The following CACNG6 variants were observed in gnomAD, a reference collection of about 807,000 sequenced individuals.
The protein encoded by CACNG6 is calcium voltage-gated channel auxiliary subunit gamma 6, also known as voltage-dependent calcium channel gamma-6 subunit.
In CACNG6, 21 loss-of-function variants were observed where a neutral mutation model predicts 23.9. The observed-to-expected ratio is 0.88, with a 90% CI of 0.62 to 1.26. The LOEUF (loss-of-function observed/expected upper bound fraction) is 1.26, where lower values mean the gene tolerates loss of function less well. CACNG6 is among the 50% of genes most tolerant of loss of function. CACNG6 has a pLI of 0.00. For synonymous variants in CACNG6, 182 were observed against 168.9 expected (o/e 1.08, Z -0.60); for missense variants, 340 against 352.9 (o/e 0.96, Z 0.29).
chr19:54,002,336 T>TC lies in CACNG6; in HGVS notation c.544+2567dup, dbSNP rs201985421. Among the ~76,000 whole-genome samples, 505 of 145,224 alleles carry TC rather than the reference T, an allele frequency of 3.5e-3. 15 individuals are homozygous for TC. The highest frequency in any genetic ancestry group is 0.034 in the Admixed American group (470 of 14,020). On this transcript the variant is annotated intron_variant, in intron 3 of 3. Transcript: ENST00000252729. ...TTTCGCTGTGTTGCCCAGGCTGGTC[T>TC]CCAACTCCTGAGCTCAAGTGATCCG...
chr19:53,996,994 G>A (rs1011107104), intron 1 of CACNG6, among the ~76,000 whole-genome samples: 3 of 148,572 alleles, frequency 2.0e-5, no homozygotes, highest in African/African-American at 5.0e-5. Flanking sequence ...TCAGCCTCCC[G>A]AGTAGCTGGG....
At chr19:54,001,569 G>A (rs186392796) in intron 3 of CACNG6, among the ~76,000 whole-genome samples, 3 of 152,210 alleles carry the variant, frequency 2.0e-5, no homozygotes, top group African/African-American at 4.8e-5. Flanking sequence ...TAATAATAAC[G>A]CCAGCACCAA....
At chr19:54,004,336 TGTGTGTGTGTGTGTGTGTGTGTG>T (rs1365556742) in intron 3 of CACNG6, among the ~76,000 whole-genome samples, 8 of 29,738 alleles carry the variant, frequency 2.7e-4, no homozygotes, top group Admixed American at 6.6e-4. Flanking sequence ...TTTGTATTTT[TGTGTGTGTGTGTGTGTGTGTGTG>T]TGTGTGTGTG....
In CACNG6 at chr19:53,999,667, T is replaced by C; in HGVS notation, c.440T>C (p.Leu147Pro). 1 of 1,614,072 alleles carries C rather than the reference T, an allele frequency of 6.2e-7. No individual in the cohort carries two copies. Among genetic ancestry groups the C allele is most frequent in the African/African-American group, 1.3e-5 (1 of 75,064 alleles). The part of the protein sequence containing the change: ...VNLAAAVIAV[L>P]GLAVMALGCL... ...CTGGCAGCTGCGGTGATAGCAGTGC[T>C]GGGCCTGGCAGTCATGGCCTTGGGG... Residue 147 changes from leucine (L) to proline (P), a missense_variant, in exon 3 of 4, where the codon CTG (leucine) becomes CCG (proline). Transcript: ENST00000252729.
chr19:54,005,509 A>T (rs1399489208), intron 3 of CACNG6, among the ~76,000 whole-genome samples: 3 of 151,496 alleles, frequency 2.0e-5, no homozygotes, highest in Non-Finnish European at 4.4e-5. Flanking sequence ...TAATCCCAGC[A>T]CTTTGGGAGG....
intron 3 of CACNG6, among the ~76,000 whole-genome samples, chr19:54,011,225 T>TACACACAC (rs1325176394): frequency 2.5e-4 from 28 of 110,336 alleles, no homozygotes; most frequent in African/African-American, 9.2e-4. Flanking sequence ...TATATATATA[T>TACACACAC]ATACACACAC....
rs1056131470 is a variant in CACNG6 at position 53,992,022 on chromosome 19, T to C, written c.-856T>C. Among the ~76,000 whole-genome samples, 3 of 152,116 alleles carry C rather than the reference T, an allele frequency of 2.0e-5. No homozygotes were observed. The highest frequency in any genetic ancestry group is 4.4e-5 in the Non-Finnish European group (3 of 68,004). On this transcript the variant is annotated 5_prime_UTR_variant, in exon 1 of 4. Transcript: ENST00000252729. The surrounding 1 kb of genome is among the most constrained non-coding windows in gnomAD (Gnocchi z 4.1). ...GCCCCGTAGCCTCCCGCCTCTGGAC[T>C]CCACTCTGTCTTCCGGCCACCGGCC...
chr19:53,998,171 G>A (rs1034250877), intron 1 of CACNG6, 68 bp from the exon 2 acceptor site: 2 of 1,386,306 alleles, frequency 1.4e-6, no homozygotes. Context: ...GCTGTTAACT[G>A]TCCAGCCCTG....
chr19:53,999,652 C>A lies in CACNG6; in HGVS notation c.425C>A (p.Ala142Glu), dbSNP rs149636959. 3.1e-6 allele frequency: 5 copies of A among 1,613,720 alleles called. No individual in the cohort carries two copies. In the South Asian group the frequency reaches 5.5e-5, roughly 18 times the overall value. The change falls in exon 3 of 4, where the codon GCG becomes GAG. Residue 142 changes from alanine to glutamate, a missense_variant. By Grantham distance (107) the Ala-to-Glu change is moderately radical. Transcript: ENST00000252729. ...CTGGCAGAGGTGAATCTGGCAGCTG[C>A]GGTGATAGCAGTGCTGGGCCTGGCA... ...TTKKEVNLAA[A>E]VIAVLGLAVM...
rs2069465919 is a variant in CACNG6 at position 53,991,999 on chromosome 19, C to T, written c.-879C>T. 6.6e-6 allele frequency among the ~76,000 whole-genome samples: 1 copy of T among 152,198 alleles called. No individual in the cohort carries two copies. The highest frequency in any genetic ancestry group is 2.1e-4 in the South Asian group (1 of 4,824). ...CATCTGCCCCAGCCCTCGGGGAGGC[C>T]CCGTAGCCTCCCGCCTCTGGACTCC... On this transcript the variant is annotated 5_prime_UTR_variant, in exon 1 of 4. Coordinates refer to ENST00000252729, the MANE Select transcript of CACNG6 (RefSeq NM_145814.2).
rs191044577 is a variant in CACNG6 at position 54,008,674 on chromosome 19, C to T, written c.545-3277C>T. Among the ~76,000 whole-genome samples, 117 of 152,356 alleles carry T rather than the reference C, an allele frequency of 7.7e-4. 2 individuals carry two copies. In the East Asian group the frequency reaches 0.014, roughly 18 times the overall value. ...CCTCGCGTCAGCACCTCCTTCTGCT[C>T]GGAACAGCCGTTGCTTCGTTTTGAG... is the stretch of plus-strand genomic sequence containing the variant. On this transcript the variant is annotated intron_variant, in intron 3 of 3. Transcript: ENST00000252729.
Position 54,012,076 on chromosome 19 carries a change from G to A in CACNG6, c.670G>A (p.Gly224Ser), listed in dbSNP as rs775091115. 5.0e-6 allele frequency: 8 copies of A among 1,592,278 alleles called. No homozygotes were observed. In the African/African-American group the frequency reaches 6.8e-5, roughly 14 times the overall value. Residue 224 changes from glycine to serine, a missense_variant, in exon 4 of 4, where the codon GGC becomes AGC. Physicochemically the swap from Gly to Ser is moderately conservative, Grantham distance 56 (BLOSUM62 0). Coordinates refer to ENST00000252729, the MANE Select transcript of CACNG6 (RefSeq NM_145814.2). ...TYEYSWSLGC[G>S]VGAGLILLLG... ...CGAGTACTCCTGGTCCCTGGGCTGCGGCGTGGGGGCCGGCCTGATCCTGCT... is the reference window on the plus strand; with the variant it reads ...CGAGTACTCCTGGTCCCTGGGCTGCAGCGTGGGGGCCGGCCTGATCCTGCT...
rs1444379890 is a variant in CACNG6 at position 54,010,082 on chromosome 19, G to A, written c.545-1869G>A. On this transcript the variant is annotated intron_variant, in intron 3 of 3. Coordinates refer to ENST00000252729, the MANE Select transcript of CACNG6 (RefSeq NM_145814.2). ...GTTGCCCAGGCTGGAGTGCAATGGC[G>A]TGATCTTGGCTCACCACAACCTCCG... 1.4e-3 allele frequency among the ~76,000 whole-genome samples: 186 copies of A among 135,834 alleles called. 2 individuals are homozygous for A. The highest frequency in any genetic ancestry group is 8.9e-3 in the Middle Eastern group (2 of 224). The allele number at this position is 135,834 out of a possible 152,430, so 89.1% of individuals were successfully genotyped here.
intron 3 of CACNG6, among the ~76,000 whole-genome samples, chr19:54,001,821 A>G (rs1568814758): frequency 6.6e-6 from 1 of 152,150 alleles, no homozygotes; most frequent in African/African-American, 2.4e-5. Flanking sequence ...TGTGACATTA[A>G]TGTCACTGGT....
In CACNG6 at chr19:53,997,072, G is replaced by A. The variant is rs148968179; in HGVS notation, c.332-1167G>A. On this transcript the variant is annotated intron_variant, in intron 1 of 3. Transcript: ENST00000252729. ...TTTGGTACAGACGGGGTTTCACCAC[G>A]TTGGCCAGGCTGGTCTCAAACTCCT... Among the ~76,000 whole-genome samples, 414 of 151,528 alleles carry A rather than the reference G, an allele frequency of 2.7e-3. 6 individuals carry two copies. The East Asian group carries it at 0.058, about 21-fold the overall frequency.
rs769787760 is a variant in CACNG6, at chr19:53,993,072, C to A, written c.195C>A (p.Leu65=). 1.3e-6 allele frequency: 2 copies of A among 1,538,080 alleles called. No individual in the cohort carries two copies. Among genetic ancestry groups the A allele is most frequent in the East Asian group, 5.0e-5 (2 of 39,996 alleles). The change falls in exon 1 of 4, where the codon CTC becomes CTA. Residue 65 remains leucine (L), a synonymous_variant. Coordinates refer to ENST00000252729, the MANE Select transcript of CACNG6 (RefSeq NM_145814.2). The part of the protein sequence containing the change: ...LSVGTEFWVE[L]NTYKANGSAV... Reference sequence around the variant, plus strand: ...TGGGCACCGAGTTCTGGGTGGAGCTCAACACCTACAAGGCCAACGGCAGCG... The same window carrying A: ...TGGGCACCGAGTTCTGGGTGGAGCTAAACACCTACAAGGCCAACGGCAGCG...
chr19:53,993,511 G>A (rs561292430), intron 1 of CACNG6, among the ~76,000 whole-genome samples: 3 of 130,146 alleles, frequency 2.3e-5, no homozygotes, highest in African/African-American at 9.6e-5. Context: ...CAGGGAGTCT[G>A]TGCCCCCAGG....
chr19:54,011,123 T>G lies in CACNG6; in HGVS notation c.545-828T>G, dbSNP rs952897265. On this transcript the variant is annotated intron_variant, in intron 3 of 3. Coordinates refer to ENST00000252729, the MANE Select transcript of CACNG6 (RefSeq NM_145814.2). Reference sequence around the variant, plus strand: ...ATCTCAGCACTTTGGGAGGCCGAGGTGGGTGGACCACTTGAGGTCAGGAGT... The same window carrying G: ...ATCTCAGCACTTTGGGAGGCCGAGGGGGGTGGACCACTTGAGGTCAGGAGT... Among the ~76,000 whole-genome samples, 5 of 143,826 alleles carry G rather than the reference T, an allele frequency of 3.5e-5. No individual in the cohort carries two copies. In the East Asian group the frequency reaches 6.2e-4, roughly 18 times the overall value. The allele number at this position is 143,826 out of a possible 152,430, so 94.4% of individuals were successfully genotyped here.
In CACNG6 at chr19:53,992,790, C is replaced by T. The variant is rs879307485; in HGVS notation, c.-88C>T. On this transcript the variant is annotated 5_prime_UTR_variant, in exon 1 of 4. Transcript: ENST00000252729. The surrounding 1 kb of genome is among the most constrained non-coding windows in gnomAD (Gnocchi z 4.1). ...GGGAAACTGAGTCCCTCACCCCCTT[C>T]AAGACCCCAGGCCGCTCCTCGCTCC... The T allele has an allele frequency of 2.2e-6, 2 of 897,558 alleles. No homozygotes were observed. The highest frequency in any genetic ancestry group is 3.1e-6 in the Non-Finnish European group (2 of 645,914). The allele number at this position is 897,558 out of a possible 1,614,324, so 55.6% of individuals were successfully genotyped here.
Sources: gnomAD v4.1 joint callset for allele counts (sites outside exome capture counted in the v4.1 genomes callset) on GRCh38, gnomAD v4.1.1 for gene constraint, Gnocchi (gnomAD v3.1) non-coding constraint, MANE v1.5 for transcripts, NCBI Gene and HGNC (gene_info 2026-07-23, HGNC 2026-07-21) for gene names.